TENM2: variants seen among roughly 807,000 people sequenced by gnomAD.
TENM2 encodes teneurin transmembrane protein 2.
TENM2 carries 52 observed loss-of-function variants against 245.2 expected under a neutral mutation model. The observed-to-expected ratio is 0.21, with a 90% confidence interval of 0.17 to 0.27. The LOEUF is 0.27. TENM2 is among the 10% of genes least tolerant of loss of function. TENM2 has a pLI of 1.00. For missense variants in TENM2, 3,046 were observed against 3,666.8 expected, an observed-to-expected ratio of 0.83 and a Z score of 4.37; for synonymous variants, 1,363 against 1,438.9, an observed-to-expected ratio of 0.95 and a Z score of 1.19.
intron 2 of TENM2, among the ~76,000 whole-genome samples, chr5:167,693,609 C>A (rs1276584466): frequency 6.8e-6 from 1 of 146,076 alleles, no homozygotes; most frequent in Non-Finnish European, 1.5e-5. Context: ...CTCACTGTTA[C>A]CTAAATTTTA....
intron 2 of TENM2, among the ~76,000 whole-genome samples, chr5:167,386,167 C>A (rs1021106089): frequency 1.3e-5 from 2 of 151,782 alleles, no homozygotes; most frequent in Non-Finnish European, 2.9e-5. Flanking sequence ...GTTCCCTGTT[C>A]ACCGCATCTA....
At chr5:167,819,660 C>T (rs1282807877) in intron 2 of TENM2, among the ~76,000 whole-genome samples, 1 of 152,218 alleles carries the variant, frequency 6.6e-6, no homozygotes, top group Non-Finnish European at 1.5e-5. Flanking sequence ...TTTACCGTGC[C>T]AGGGTGCAGT....
intron 4 of TENM2, among the ~76,000 whole-genome samples, chr5:167,969,723 G>A (rs1401529408): frequency 2.0e-5 from 3 of 152,150 alleles, no homozygotes; most frequent in Admixed American, 6.6e-5. Context: ...GTAACTATAT[G>A]CTATATTCTC....
chr5:167,511,646 A>G (rs1409575016), intron 2 of TENM2, among the ~76,000 whole-genome samples: 2 of 152,234 alleles, frequency 1.3e-5, no homozygotes, highest in Admixed American at 6.5e-5. Context: ...AATTGTGATT[A>G]CAAGCTCCAG....
At chr5:168,140,073 G>T (rs1250400488) in intron 12 of TENM2, among the ~76,000 whole-genome samples, 2 of 152,180 alleles carry the variant, frequency 1.3e-5, no homozygotes, top group South Asian at 4.1e-4. Context: ...GATTGAGACT[G>T]GGACAGCTTT....
At chr5:167,681,017 A>G (rs1012610972) in intron 2 of TENM2, among the ~76,000 whole-genome samples, 1 of 152,194 alleles carries the variant, frequency 6.6e-6, no homozygotes, top group African/African-American at 2.4e-5. Context: ...TTGAGTTGCT[A>G]ACTACAAAAT....
At chr5:167,475,104 G>T (rs1767284789) in intron 2 of TENM2, among the ~76,000 whole-genome samples, 1 of 152,058 alleles carries the variant, frequency 6.6e-6, no homozygotes, top group Non-Finnish European at 1.5e-5. Context: ...GTTTTCTAAG[G>T]GATATTTCCT....
intron 2 of TENM2, among the ~76,000 whole-genome samples, chr5:167,698,948 C>T (rs1447061875): frequency 6.6e-6 from 1 of 152,002 alleles, no homozygotes; most frequent in Non-Finnish European, 1.5e-5. Flanking sequence ...TCCCTGATTG[C>T]TGGGATTACA....
chr5:167,179,336 C>T, the TENM2 span, among the ~76,000 whole-genome samples: 6 of 152,044 alleles, frequency 3.9e-5, no homozygotes, highest in African/African-American at 1.2e-4. Context: ...TACGTACTAA[C>T]GGGATGAGAG....
Position 167,927,239 on chromosome 5 carries a change from G to A in TENM2, c.713-25349G>A, listed in dbSNP as rs193231172. On this transcript the variant is annotated intron_variant, in intron 3 of 28. Coordinates refer to ENST00000518659, the Ensembl canonical transcript of TENM2. ...CCCTTTCCATCAGGCTGGGTTCATC[G>A]GTCTAAAGTCAAAAATCTCTATGCC... Among the ~76,000 whole-genome samples, 19 of 152,182 alleles carry A rather than the reference G, an allele frequency of 1.2e-4. No homozygotes were observed. In the East Asian group the frequency reaches 2.3e-3, roughly 19 times the overall value.
chr5:167,345,503 A>T, intron 1 of TENM2, among the ~76,000 whole-genome samples: 1 of 152,228 alleles, frequency 6.6e-6, no homozygotes, highest in Non-Finnish European at 1.5e-5. Context: ...TATTTAAGTT[A>T]TGTTTTGATT....
At chr5:167,967,442 A>G (rs1382890345) in intron 4 of TENM2, among the ~76,000 whole-genome samples, 1 of 152,218 alleles carries the variant, frequency 6.6e-6, no homozygotes, top group Non-Finnish European at 1.5e-5. Flanking sequence ...ATCTTATTCA[A>G]GACCACTCCA....
the TENM2 span, among the ~76,000 whole-genome samples, chr5:167,169,502 A>G: frequency 6.6e-6 from 1 of 152,114 alleles, no homozygotes; most frequent in Non-Finnish European, 1.5e-5. Context: ...TTAACTCCCA[A>G]GCCTCTGTTT....
intron 2 of TENM2, among the ~76,000 whole-genome samples, chr5:167,475,202 A>G (rs1192691424): frequency 6.6e-6 from 1 of 152,180 alleles, no homozygotes; most frequent in African/African-American, 2.4e-5. Flanking sequence ...ATTGAATAAT[A>G]CCTTAACTGT....
intron 1 of TENM2, among the ~76,000 whole-genome samples, chr5:167,302,267 G>C (rs1755377265): frequency 6.6e-6 from 1 of 152,112 alleles, no homozygotes; most frequent in Non-Finnish European, 1.5e-5. Flanking sequence ...TGGCATTATA[G>C]AAGAAAATAA....
chr5:167,974,040 A>G (rs796304377), intron 4 of TENM2, among the ~76,000 whole-genome samples: 928 of 38,334 alleles, frequency 0.024, 25 homozygotes, highest in East Asian at 0.16. Context: ...AGGAAGGAGA[A>G]GGAAGGAAGG....
At chr5:166,998,650 A>G in the TENM2 span, among the ~76,000 whole-genome samples, 14 of 152,214 alleles carry the variant, frequency 9.2e-5, no homozygotes, top group African/African-American at 3.4e-4. Context: ...GGAGAAATGT[A>G]TAGATTATAA....
intron 3 of TENM2, among the ~76,000 whole-genome samples, chr5:167,927,369 A>G (rs1162248676): frequency 6.6e-6 from 1 of 152,168 alleles, no homozygotes; most frequent in Non-Finnish European, 1.5e-5. Context: ...TAGAGTGAAT[A>G]GTGCCTGTGA....
chr5:167,755,419 T>G lies in TENM2; in HGVS notation c.503-120567T>G, dbSNP rs187639388. Among the ~76,000 whole-genome samples, 17 of 151,820 alleles carry G rather than the reference T, an allele frequency of 1.1e-4. No individual in the cohort carries two copies. In the East Asian group the frequency reaches 2.9e-3, roughly 26 times the overall value. ...TATCAGGTTGTTGATCTGAATTTTT[T>G]TTTTGCTACCTTCATGATATCTGCC... On this transcript the variant is annotated intron_variant, in intron 2 of 28. Coordinates refer to ENST00000518659, the Ensembl canonical transcript of TENM2.
Sources: allele counts gnomAD v4.1 joint callset (sites outside exome capture counted in the v4.1 genomes callset), GRCh38; gene constraint gnomAD v4.1.1; transcripts MANE v1.5; gene names NCBI Gene and HGNC (gene_info 2026-07-23, HGNC 2026-07-21).